JPH3: variants seen among roughly 807,000 people sequenced by gnomAD.
The protein encoded by JPH3 is junctophilin 3.
A neutral mutation model predicts 59.6 loss-of-function variants in JPH3; 11 were observed. The ratio of observed to expected loss-of-function variants is 0.18; its 90% confidence interval spans 0.12 to 0.31. JPH3 has a LOEUF of 0.31. JPH3 is among the 10% of genes least tolerant of loss of function. JPH3 has a pLI of 1.00. For synonymous variants in JPH3, 673 were observed against 483.6 expected, an observed-to-expected ratio of 1.39 and a Z score of -5.14; for missense variants, 1,202 against 1,105.7, an observed-to-expected ratio of 1.09 and a Z score of -1.24.
intron 1 of JPH3, among the ~76,000 whole-genome samples, chr16:87,607,317 A>G (rs956148562): frequency 2.6e-5 from 4 of 152,200 alleles, no homozygotes; most frequent in Non-Finnish European, 5.9e-5. Context: ...CTACACCCTG[A>G]AAGATATGAG....
intron 4 of JPH3, among the ~76,000 whole-genome samples, chr16:87,691,107 C>T (rs896999932): frequency 2.0e-5 from 3 of 148,064 alleles, no homozygotes; most frequent in African/African-American, 7.4e-5. Context: ...AAATTCGTTC[C>T]TCCAGGGCAG....
chr16:87,670,834 AG>A (rs2032995768), intron 2 of JPH3, among the ~76,000 whole-genome samples: 1 of 151,584 alleles, frequency 6.6e-6, no homozygotes, highest in Non-Finnish European at 1.5e-5. Flanking sequence ...GTAGAGATCC[AG>A]GGGCTCTGGC....
chr16:87,666,344 C>G (rs1227200027), intron 2 of JPH3, among the ~76,000 whole-genome samples: 2 of 151,122 alleles, frequency 1.3e-5, no homozygotes, highest in Non-Finnish European at 2.9e-5. Flanking sequence ...TCCCCTCGAC[C>G]TCTCAAAGTG....
chr16:87,672,758 G>A (rs2033050206), intron 2 of JPH3, among the ~76,000 whole-genome samples: 2 of 152,226 alleles, frequency 1.3e-5, no homozygotes, highest in African/African-American at 4.8e-5. Flanking sequence ...CGGAATGGGT[G>A]GTTGATTAAA....
intron 2 of JPH3, chr16:87,683,830 G>A (rs974046324): frequency 1.7e-5 from 5 of 293,232 alleles, no homozygotes; most frequent in East Asian, 8.1e-5. Flanking sequence ...GGTCGTGAAC[G>A]CCTGAGCTCA....
At chr16:87,662,573 G>C (rs2032739539) in intron 2 of JPH3, among the ~76,000 whole-genome samples, 1 of 152,170 alleles carries the variant, frequency 6.6e-6, no homozygotes, top group Admixed American at 6.5e-5. Flanking sequence ...GGAGAACCAG[G>C]CTTGAGTGAG....
In JPH3 at chr16:87,677,147, G is replaced by A. The variant is rs114788577; in HGVS notation, c.1161-6995G>A. ...GCAATCCAGCCTAGGCGACAGAGTGGGACTCCATTATACACACACACACGC... is the reference window on the plus strand; with the variant it reads ...GCAATCCAGCCTAGGCGACAGAGTGAGACTCCATTATACACACACACACGC... On this transcript the variant is annotated intron_variant, in intron 2 of 4. Coordinates refer to ENST00000284262, the MANE Select transcript of JPH3 (RefSeq NM_020655.4). 8.3e-3 allele frequency among the ~76,000 whole-genome samples: 1,166 copies of A among 140,242 alleles called. 42 individuals carry two copies. Among genetic ancestry groups the A allele is most frequent in the African/African-American group, 0.03 (1,100 of 37,126 alleles). 92.0% of individuals were successfully genotyped at this position (140,242 alleles called of 152,430 possible). A position where few individuals can be genotyped will look rare whatever the true frequency, so the allele number is the denominator to read the frequency against.
chr16:87,653,120 C>T (rs1009505019), intron 2 of JPH3, among the ~76,000 whole-genome samples: 2 of 152,200 alleles, frequency 1.3e-5, no homozygotes, highest in African/African-American at 4.8e-5. Flanking sequence ...CCTGTTCCTC[C>T]TCTCACATTC....
intron 2 of JPH3, among the ~76,000 whole-genome samples, chr16:87,657,406 G>A (rs1379680207): frequency 6.6e-6 from 1 of 152,152 alleles, no homozygotes; most frequent in Non-Finnish European, 1.5e-5. Flanking sequence ...TGGGAACAAC[G>A]GGGAGTGGCT....
chr16:87,679,026 G>A (rs1001827387), intron 2 of JPH3, among the ~76,000 whole-genome samples: 8 of 152,202 alleles, frequency 5.3e-5, no homozygotes, highest in African/African-American at 1.9e-4. Context: ...ACCGTAGCCC[G>A]GGACACTTAC....
intron 2 of JPH3, among the ~76,000 whole-genome samples, chr16:87,677,313 G>T (rs1212220733): frequency 6.6e-6 from 1 of 151,624 alleles, no homozygotes; most frequent in Admixed American, 6.6e-5. Context: ...AACCTGGGAG[G>T]CAGAGTTTGC....
intron 2 of JPH3, among the ~76,000 whole-genome samples, chr16:87,655,659 G>A (rs1248234217): frequency 1.3e-5 from 2 of 152,186 alleles, no homozygotes; most frequent in Admixed American, 1.3e-4. Flanking sequence ...GGCCAATAAT[G>A]TTCTATTTTA....
intron 2 of JPH3, among the ~76,000 whole-genome samples, chr16:87,678,856 C>T (rs765327089): frequency 1.3e-5 from 2 of 152,138 alleles, no homozygotes; most frequent in Non-Finnish European, 1.5e-5. Context: ...CTGGGAACGC[C>T]GAGGGCGCCA....
At position 87,610,003 on chromosome 16, in the gene JPH3, C is replaced by T. The variant is rs538499585; in HGVS notation, c.382+6475C>T. The stretch of plus-strand genomic sequence containing the variant: ...GTTTGTTTTCCTACAACTAGACGGT[C>T]TCATCTGGGGGTGATGGGAGATAGT... On this transcript the variant is annotated intron_variant, in intron 1 of 4. Coordinates refer to ENST00000284262, the MANE Select transcript of JPH3 (RefSeq NM_020655.4). Among the ~76,000 whole-genome samples the T allele has an allele frequency of 4.8e-4, 73 of 152,174 alleles. 1 individual carries two copies. The highest frequency in any genetic ancestry group is 8.7e-4 in the Non-Finnish European group (59 of 68,034).
At chr16:87,645,267 C>T (rs1182974424) in intron 2 of JPH3, among the ~76,000 whole-genome samples, 1 of 152,146 alleles carries the variant, frequency 6.6e-6, no homozygotes, top group Non-Finnish European at 1.5e-5. Context: ...GGTGTAGAGG[C>T]CTACAGCCTC....
chr16:87,657,383 C>G (rs1017860234), intron 2 of JPH3, among the ~76,000 whole-genome samples: 5 of 152,054 alleles, frequency 3.3e-5, no homozygotes, highest in Non-Finnish European at 5.9e-5. Context: ...GACTGGGTTA[C>G]CAGGGGCTGG....
At chr16:87,666,139 A>C (rs2032853869) in intron 2 of JPH3, among the ~76,000 whole-genome samples, 1 of 148,876 alleles carries the variant, frequency 6.7e-6, no homozygotes, top group Non-Finnish European at 1.5e-5. Flanking sequence ...CCCAGGCTGG[A>C]GTGCAGCGGC....
intron 1 of JPH3, among the ~76,000 whole-genome samples, chr16:87,605,384 T>C (rs1297666943): frequency 6.6e-6 from 1 of 152,194 alleles, no homozygotes; most frequent in African/African-American, 2.4e-5. Flanking sequence ...TGCCAGGCTC[T>C]GGGAAAACCA....
chr16:87,667,965 T>C (rs1026302923), intron 2 of JPH3, among the ~76,000 whole-genome samples: 1 of 152,070 alleles, frequency 6.6e-6, no homozygotes, highest in Admixed American at 6.5e-5. Flanking sequence ...TGATTCCACC[T>C]GCAAATCCTG....
Sources: allele counts gnomAD v4.1 joint callset (sites outside exome capture counted in the v4.1 genomes callset), GRCh38; gene constraint gnomAD v4.1.1; transcripts MANE v1.5; gene names NCBI Gene and HGNC (gene_info 2026-07-23, HGNC 2026-07-21).